Variants in FHIT observed in about 807,000 individuals in gnomAD.
FHIT encodes the protein fragile histidine triad diadenosine triphosphatase, also known as bis(5'-adenosyl)-triphosphatase.
In FHIT, 19 loss-of-function variants were observed where a neutral mutation model predicts 17.9. That is an observed-to-expected ratio of 1.06 (90% CI 0.74 to 1.56). The LOEUF is 1.56. Ranked by LOEUF, FHIT falls within the 40% of genes most tolerant of loss-of-function variation. The probability of loss-of-function intolerance (pLI) is 0.00; values close to 1 mark genes in which losing one functional copy is unlikely to be tolerated. For synonymous variants in FHIT, 81 were observed against 69.7 expected (o/e 1.16, Z -0.81); for missense variants, 248 against 189.2 (o/e 1.31, Z -1.82).
At chr3:59,837,406 T>C (rs1422725189) in intron 8 of FHIT, among the ~76,000 whole-genome samples, 1 of 152,212 alleles carries the variant, frequency 6.6e-6, no homozygotes, top group Non-Finnish European at 1.5e-5. Context: ...TAAATAGTTA[T>C]ACTTTATTGT....
chr3:61,108,150 T>C (rs991854696), intron 2 of FHIT, among the ~76,000 whole-genome samples: 18 of 152,178 alleles, frequency 1.2e-4, no homozygotes, highest in African/African-American at 3.6e-4. Context: ...TACTTGGCCA[T>C]TCATATCTCT....
chr3:59,795,836 C>T (rs950031272), intron 8 of FHIT, among the ~76,000 whole-genome samples: 1 of 152,172 alleles, frequency 6.6e-6, no homozygotes, highest in Admixed American at 6.5e-5. Flanking sequence ...AAGTGGCTGC[C>T]AGGGGATGCC....
chr3:60,528,476 C>T (rs1392119725), intron 5 of FHIT, among the ~76,000 whole-genome samples: 1 of 151,918 alleles, frequency 6.6e-6, no homozygotes, highest in African/African-American at 2.4e-5. Flanking sequence ...CTCAGTATCC[C>T]CCATGCTACA....
rs1465406135 is a variant in FHIT at position 59,748,788 on chromosome 3, C to T, written c.*797G>A. Reference sequence around the variant, plus strand: ...TTTGCCACTTACCGTTGGCCTTGAACTAATAATACTTAACATCCTTAAGCC... The same window carrying T: ...TTTGCCACTTACCGTTGGCCTTGAATTAATAATACTTAACATCCTTAAGCC... On this transcript the variant is annotated 3_prime_UTR_variant, in exon 10 of 10. Transcript: ENST00000492590. 6.6e-6 allele frequency among the ~76,000 whole-genome samples: 1 copy of T among 152,152 alleles called. No homozygotes were observed. The highest frequency in any genetic ancestry group is 1.5e-5 in the Non-Finnish European group (1 of 68,006).
chr3:60,684,982 C>T (rs1354989052), intron 4 of FHIT, among the ~76,000 whole-genome samples: 2 of 152,114 alleles, frequency 1.3e-5, no homozygotes, highest in African/African-American at 4.8e-5. Context: ...GATAACTTGT[C>T]CTCCCTACGC....
At chr3:61,068,378 G>A (rs945370783) in intron 2 of FHIT, among the ~76,000 whole-genome samples, 3 of 152,188 alleles carry the variant, frequency 2.0e-5, no homozygotes, top group Non-Finnish European at 4.4e-5. Flanking sequence ...ACATTTGTTA[G>A]GAGGTTGACC....
intron 4 of FHIT, among the ~76,000 whole-genome samples, chr3:60,727,202 C>T (rs2041933557): frequency 6.6e-6 from 1 of 152,008 alleles, no homozygotes; most frequent in African/African-American, 2.4e-5. Context: ...AAAGACGGAT[C>T]CTTAAAGCTC....
chr3:61,164,608 T>C (rs1469002641), intron 2 of FHIT, among the ~76,000 whole-genome samples: 1 of 149,014 alleles, frequency 6.7e-6, no homozygotes, highest in Non-Finnish European at 1.5e-5. Context: ...CAACAAAAAC[T>C]ATCCCACAGA....
At chr3:60,857,983 G>A (rs1383373054) in intron 3 of FHIT, among the ~76,000 whole-genome samples, 1 of 152,156 alleles carries the variant, frequency 6.6e-6, no homozygotes, top group Non-Finnish European at 1.5e-5. Flanking sequence ...CAATTGTTAG[G>A]TAGTATTACT....
At chr3:60,713,795 C>T (rs577090395) in intron 4 of FHIT, among the ~76,000 whole-genome samples, 6,604 of 151,840 alleles carry the variant, frequency 0.043, 492 homozygotes, top group African/African-American at 0.15. Flanking sequence ...TAATCAATAG[C>T]TTACCAACCA....
chr3:60,925,039 A>C (rs374400927), intron 3 of FHIT, among the ~76,000 whole-genome samples: 23 of 152,328 alleles, frequency 1.5e-4, no homozygotes, highest in South Asian at 8.3e-4. Context: ...AACAAAGCCT[A>C]CAAGAAATAT....
At chr3:59,755,816 G>C (rs920772443) in intron 8 of FHIT, among the ~76,000 whole-genome samples, 2 of 151,534 alleles carry the variant, frequency 1.3e-5, no homozygotes, top group Non-Finnish European at 2.9e-5. Flanking sequence ...GTATCACCTT[G>C]GTTTCACAAA....
At chr3:60,932,183 A>T (rs1559842723) in intron 3 of FHIT, among the ~76,000 whole-genome samples, 1 of 152,216 alleles carries the variant, frequency 6.6e-6, no homozygotes, top group Non-Finnish European at 1.5e-5. Context: ...GCTCTCCTTC[A>T]TTTATTCTCA....
chr3:60,114,270 G>C (rs375069703), intron 5 of FHIT, among the ~76,000 whole-genome samples: 3 of 149,452 alleles, frequency 2.0e-5, no homozygotes, highest in African/African-American at 7.4e-5. Flanking sequence ...AGCTACTTAG[G>C]AGCAGGGCTG....
At chr3:59,997,917 T>C (rs1699581702) in intron 7 of FHIT, among the ~76,000 whole-genome samples, 1 of 152,150 alleles carries the variant, frequency 6.6e-6, no homozygotes, top group African/African-American at 2.4e-5. Flanking sequence ...TTACGTATAA[T>C]TTATTAAACC....
At chr3:60,528,428 AG>A (rs2107581267) in intron 5 of FHIT, among the ~76,000 whole-genome samples, 2 of 129,958 alleles carry the variant, frequency 1.5e-5, no homozygotes, top group Admixed American at 1.6e-4. Context: ...AAAGAAAGGA[AG>A]GAAGGAAAAA....
intron 4 of FHIT, among the ~76,000 whole-genome samples, chr3:60,741,559 C>A (rs1296726177): frequency 6.6e-6 from 1 of 152,246 alleles, no homozygotes; most frequent in Non-Finnish European, 1.5e-5. Flanking sequence ...TGATAATACA[C>A]ACTTTACATC....
chr3:60,818,084 G>C (rs1211771630), intron 4 of FHIT, among the ~76,000 whole-genome samples: 1 of 151,906 alleles, frequency 6.6e-6, no homozygotes, highest in Non-Finnish European at 1.5e-5. Flanking sequence ...GTATTTTTCA[G>C]TTTCAGGATT....
chr3:61,172,809 G>C (rs2038046110), intron 2 of FHIT, among the ~76,000 whole-genome samples: 1 of 145,152 alleles, frequency 6.9e-6, no homozygotes, highest in Non-Finnish European at 1.5e-5. Flanking sequence ...ACTGATGCCA[G>C]TTCTCTCTGC....
Sources: gnomAD v4.1 joint callset for allele counts (sites outside exome capture counted in the v4.1 genomes callset) on GRCh38, gnomAD v4.1.1 for gene constraint, MANE v1.5 for transcripts, NCBI Gene and HGNC (gene_info 2026-07-23, HGNC 2026-07-21) for gene names.